The following NFE2L3 variants were observed in gnomAD, a reference collection of about 807,000 sequenced individuals.
NFE2L3 encodes nuclear factor erythroid 2-related factor 3.
In NFE2L3, 18 loss-of-function variants were observed where a neutral mutation model predicts 23.5. The observed-to-expected ratio is 0.77, with a 90% confidence interval of 0.53 to 1.13. The LOEUF (loss-of-function observed/expected upper bound fraction) is 1.13. NFE2L3 is among the 50% of genes most tolerant of loss of function. NFE2L3 has a pLI of 0.00. For synonymous variants in NFE2L3, 424 were observed against 354.5 expected (o/e 1.20, Z -2.20); for missense variants, 1,152 against 877.2 (o/e 1.31, Z -3.96).
At chr7:26,177,830 T>A (rs7807030) in intron 1 of NFE2L3, 113 bp from the exon 2 acceptor site, 29,223 of 892,508 alleles carry the variant, frequency 0.033, 561 homozygotes, top group Middle Eastern at 0.057. Context: ...TACTGAAATA[T>A]TGAAATGCCG....
chr7:26,182,450 G>A lies in NFE2L3; in HGVS notation c.751-1251G>A, dbSNP rs1015885905. On this transcript the variant is annotated intron_variant, in intron 2 of 3. Transcript: ENST00000056233. ...ACAAGCCTGGCCAACATGGCAAAACGCCAGCTCTACTAAAAATATAAAAAT... is the reference window on the plus strand; with the variant it reads ...ACAAGCCTGGCCAACATGGCAAAACACCAGCTCTACTAAAAATATAAAAAT... Among the ~76,000 whole-genome samples, 5 of 145,218 alleles carry A rather than the reference G, an allele frequency of 3.4e-5. No individual in the cohort carries two copies. In the East Asian group the frequency reaches 7.9e-4, roughly 23 times the overall value.
At chr7:26,159,556 T>C (rs995094077) in intron 1 of NFE2L3, among the ~76,000 whole-genome samples, 1 of 152,208 alleles carries the variant, frequency 6.6e-6, no homozygotes, top group Non-Finnish European at 1.5e-5. Flanking sequence ...TGAGCACTTA[T>C]CATTCATGAC....
Position 26,184,955 on chromosome 7 carries a change from T to C in NFE2L3, c.1257T>C (p.Ser419=). The change falls in exon 4 of 4, where the codon TCT becomes TCC. Residue 419 remains serine, a synonymous_variant. Transcript: ENST00000056233. The part of the protein sequence containing the change: ...SQLFDEPDSD[S]GLSLDSSHNN... ...TTTTTGATGAACCAGATTCTGATTC[T>C]GGCCTTTCTTTAGATTCAAGTCACA... The C allele has an allele frequency of 6.2e-7, 1 of 1,613,948 alleles. No individual in the cohort carries two copies. Among genetic ancestry groups the C allele is most frequent in the Non-Finnish European group, 8.5e-7 (1 of 1,179,842 alleles).
chr7:26,166,128 G>C lies in NFE2L3; in HGVS notation c.571-11815G>C, dbSNP rs553622392. ...CTGTGTGATGCAGTGTGAAGCGAGC[G>C]GGTGGGGCGGGGGGGAAAGAATTCA... On this transcript the variant is annotated intron_variant, in intron 1 of 3. Transcript: ENST00000056233. Among the ~76,000 whole-genome samples, 446 of 106,066 alleles carry C rather than the reference G, an allele frequency of 4.2e-3. 6 individuals carry two copies. Among genetic ancestry groups the C allele is most frequent in the African/African-American group, 0.018 (435 of 23,864 alleles). 69.6% of individuals were successfully genotyped at this position (106,066 alleles called of 152,430 possible).
At chr7:26,165,774 G>A (rs1179240544) in intron 1 of NFE2L3, among the ~76,000 whole-genome samples, 2 of 152,122 alleles carry the variant, frequency 1.3e-5, no homozygotes, top group East Asian at 1.9e-4. Flanking sequence ...GTATGATATT[G>A]GCTGTGGGTT....
intron 1 of NFE2L3, chr7:26,174,927 A>G (rs923286706): frequency 2.0e-4 from 30 of 152,236 alleles, no homozygotes; most frequent in African/African-American, 7.0e-4. Flanking sequence ...AATGTTTAGA[A>G]GAATTCTCTA....
At chr7:26,165,129 C>T (rs1236017261) in intron 1 of NFE2L3, among the ~76,000 whole-genome samples, 2 of 152,136 alleles carry the variant, frequency 1.3e-5, no homozygotes, top group African/African-American at 2.4e-5. Flanking sequence ...CTTGGTAATG[C>T]GGGCTCTTTT....
intron 1 of NFE2L3, among the ~76,000 whole-genome samples, chr7:26,170,412 C>T (rs1373578788): frequency 6.6e-6 from 1 of 152,106 alleles, no homozygotes; most frequent in Non-Finnish European, 1.5e-5. Flanking sequence ...TTCCTATGTA[C>T]GCTGATACCT....
chr7:26,155,235 G>A (rs1193483864), intron 1 of NFE2L3, among the ~76,000 whole-genome samples: 1 of 152,118 alleles, frequency 6.6e-6, no homozygotes, highest in Non-Finnish European at 1.5e-5. Context: ...TTGAGGTCAG[G>A]AGTTCGAGAC....
At chr7:26,179,051 A>G (rs541995811) in intron 2 of NFE2L3, among the ~76,000 whole-genome samples, 1 of 152,198 alleles carries the variant, frequency 6.6e-6, no homozygotes, top group South Asian at 2.1e-4. Context: ...ATTTTGCATG[A>G]AATCAGAAAA....
At chr7:26,177,618 G>GAGGA (rs1320212754) in intron 1 of NFE2L3, among the ~76,000 whole-genome samples, 5 of 152,070 alleles carry the variant, frequency 3.3e-5, no homozygotes, top group African/African-American at 9.7e-5. Context: ...GGGAGGAAGG[G>GAGGA]AGGAAGGAAG....
chr7:26,154,579 C>G (rs1456418839), intron 1 of NFE2L3, among the ~76,000 whole-genome samples: 1 of 152,162 alleles, frequency 6.6e-6, no homozygotes, highest in African/African-American at 2.4e-5. Context: ...AAGACAGGGT[C>G]TTGCTCTGTT....
chr7:26,179,900 T>C (rs915156781), intron 2 of NFE2L3, among the ~76,000 whole-genome samples: 1 of 152,126 alleles, frequency 6.6e-6, no homozygotes, highest in African/African-American at 2.4e-5. Context: ...TTTTCGTGTA[T>C]AGGTTCTTTG....
At chr7:26,172,158 G>C (rs1784337046) in intron 1 of NFE2L3, among the ~76,000 whole-genome samples, 1 of 152,214 alleles carries the variant, frequency 6.6e-6, no homozygotes, top group African/African-American at 2.4e-5. Context: ...CTATGCCCTT[G>C]GGGGCAAAAC....
rs1782437379 is a variant in NFE2L3, at chr7:26,184,797, C to T, written c.1099C>T (p.Pro367Ser). Residue 367 changes from proline to serine, a missense_variant, in exon 4 of 4, where the codon CCG becomes TCG. By Grantham distance (74) the Pro-to-Ser change is moderately conservative. Coordinates refer to ENST00000056233, the MANE Select transcript of NFE2L3 (RefSeq NM_004289.7). ...PGTNLTGFLSPVDNHMRNLTS... is the reference protein window; with the variant it reads ...PGTNLTGFLSSVDNHMRNLTS... ...AACTAATTTGACAGGATTTCTTTCA[C>T]CGGTTGACAATCATATGAGGAATCT... The T allele has an allele frequency of 6.2e-7, 1 of 1,613,934 alleles. No individual in the cohort carries two copies. The highest frequency in any genetic ancestry group is 8.5e-7 in the Non-Finnish European group (1 of 1,179,836).
At position 26,162,693 on chromosome 7, in the gene NFE2L3, T is replaced by C. The variant is rs17153335; in HGVS notation, c.570+9625T>C. 7.9e-3 allele frequency among the ~76,000 whole-genome samples: 1,204 copies of C among 152,118 alleles called. 13 individuals carry two copies. Among genetic ancestry groups the C allele is most frequent in the African/African-American group, 0.028 (1,150 of 41,480 alleles). On this transcript the variant is annotated intron_variant, in intron 1 of 3. Coordinates refer to ENST00000056233, the MANE Select transcript of NFE2L3 (RefSeq NM_004289.7). ...TTTCTCTGCCTTCTCCAGGGGACTT[T>C]AGAAGTAAGTTTAGACTATTTCTTT...
At chr7:26,178,814 T>C (rs1479994722) in intron 2 of NFE2L3, among the ~76,000 whole-genome samples, 1 of 152,166 alleles carries the variant, frequency 6.6e-6, no homozygotes, top group African/African-American at 2.4e-5. Context: ...GCACTCGAGA[T>C]ATTTAATAAC....
At chr7:26,155,397 G>A (rs1356380093) in intron 1 of NFE2L3, among the ~76,000 whole-genome samples, 2 of 152,150 alleles carry the variant, frequency 1.3e-5, no homozygotes, top group African/African-American at 4.8e-5. Flanking sequence ...AGCCGAGATT[G>A]TGCCACTGAA....
At position 26,185,566 on chromosome 7, in the gene NFE2L3, A is replaced by C. The variant is rs758690243; in HGVS notation, c.1868A>C (p.Glu623Ala). 1.2e-6 allele frequency: 2 copies of C among 1,613,800 alleles called. No homozygotes were observed. Among genetic ancestry groups the C allele is most frequent in the Non-Finnish European group, 8.5e-7 (1 of 1,179,766 alleles). Residue 623 changes from glutamate to alanine, a missense_variant, in exon 4 of 4, where the codon GAG becomes GCG. Glu to Ala is a moderately radical substitution (Grantham distance 107). Coordinates refer to ENST00000056233, the MANE Select transcript of NFE2L3 (RefSeq NM_004289.7). Reference sequence around the variant, plus strand: ...GCAAAGAAGGAAACTCTTAAGAGAGAGCAAGCACAATGTAACAAAGCTATT... The same window carrying C: ...GCAAAGAAGGAAACTCTTAAGAGAGCGCAAGCACAATGTAACAAAGCTATT... ...LQAKKETLKR[E>A]QAQCNKAINI...
Sources: gnomAD v4.1 joint callset for allele counts (sites outside exome capture counted in the v4.1 genomes callset) on GRCh38, gnomAD v4.1.1 for gene constraint, MANE v1.5 for transcripts, NCBI Gene and HGNC (gene_info 2026-07-23, HGNC 2026-07-21) for gene names.